EIPR1: variants seen among roughly 807,000 people sequenced by gnomAD.
EIPR1 encodes EARP complex and GARP complex interacting protein 1.
In EIPR1, 25 loss-of-function variants were observed where a neutral mutation model predicts 48.1. The observed-to-expected ratio is 0.52, with a 90% CI of 0.38 to 0.73. The LOEUF (loss-of-function observed/expected upper bound fraction) is 0.73, where lower values mean the gene tolerates loss of function less well. Among genes scored for constraint, EIPR1 ranks in the 30% least tolerant of loss-of-function variants. The pLI, the probability that EIPR1 is intolerant of heterozygous loss-of-function variation, is 0.00. For missense variants in EIPR1, 415 were observed against 506.2 expected, an observed-to-expected ratio of 0.82 and a Z score of 1.73; for synonymous variants, 204 against 201.9, an observed-to-expected ratio of 1.01 and a Z score of -0.09.
At chr2:3,377,234 A>T (rs1659914831) in intron 1 of EIPR1, 1 of 177,756 alleles carries the variant, frequency 5.6e-6, no homozygotes, top group Non-Finnish European at 1.2e-5. Context: ...GGTAAAGAAG[A>T]ACTTTCTATG....
intron 3 of EIPR1, among the ~76,000 whole-genome samples, chr2:3,325,895 G>C (rs553712203): frequency 1.3e-4 from 20 of 152,268 alleles, no homozygotes; most frequent in Non-Finnish European, 2.6e-4. Context: ...CCCACCCCTG[G>C]AGGTGCTGTG....
rs115183188 is a variant in EIPR1, at chr2:3,251,591, G to A, written c.416+5708C>T. The stretch of plus-strand genomic sequence containing the variant: ...GAGAGCCCGCCACCCTAGGTCTGCT[G>A]CCTTGAAGTCCACCATCTCTCCCAC... On this transcript the variant is annotated intron_variant, in intron 4 of 8. Transcript: ENST00000382125. 7.1e-3 allele frequency among the ~76,000 whole-genome samples: 1,087 copies of A among 152,232 alleles called. 13 individuals carry two copies. The highest frequency in any genetic ancestry group is 0.025 in the African/African-American group (1,051 of 41,520).
At chr2:3,235,416 G>A (rs1046466401) in intron 4 of EIPR1, among the ~76,000 whole-genome samples, 7 of 142,944 alleles carry the variant, frequency 4.9e-5, no homozygotes, top group African/African-American at 1.8e-4. Context: ...GTGTGCATGC[G>A]GGTGCGCACA....
intron 1 of EIPR1, among the ~76,000 whole-genome samples, chr2:3,369,106 G>A (rs1428335134): frequency 6.6e-6 from 1 of 152,150 alleles, no homozygotes; most frequent in Non-Finnish European, 1.5e-5. Context: ...GAAAGTCTTG[G>A]TCCATGATAC....
intron 3 of EIPR1, among the ~76,000 whole-genome samples, chr2:3,311,001 A>C (rs1009062139): frequency 6.6e-6 from 1 of 152,168 alleles, no homozygotes; most frequent in African/African-American, 2.4e-5. Flanking sequence ...GAGCAAACCA[A>C]TGTCTCTGAA....
At position 3,286,335 on chromosome 2, in the gene EIPR1, C is replaced by T. The variant is rs533953532; in HGVS notation, c.260-28880G>A. On this transcript the variant is annotated intron_variant, in intron 3 of 8. Coordinates refer to ENST00000382125, the MANE Select transcript of EIPR1 (RefSeq NM_003310.5). The surrounding 1 kb of genome is among the most constrained non-coding windows in gnomAD (Gnocchi z 4.2). ...TGTACACACACTGCTCCTGTGTAAA[C>T]GTGTGGCCGTGACATGGCCTCCGTT... Among the ~76,000 whole-genome samples, 36 of 152,326 alleles carry T rather than the reference C, an allele frequency of 2.4e-4. No individual in the cohort carries two copies. The highest frequency in any genetic ancestry group is 4.4e-4 in the Non-Finnish European group (30 of 68,016).
At chr2:3,375,881 A>G (rs1659859143) in intron 1 of EIPR1, among the ~76,000 whole-genome samples, 1 of 152,248 alleles carries the variant, frequency 6.6e-6, no homozygotes, top group Non-Finnish European at 1.5e-5. Context: ...TAGTTAAGCT[A>G]TCAGTCTTGT....
chr2:3,374,679 G>C (rs1659813961), intron 1 of EIPR1, among the ~76,000 whole-genome samples: 2 of 149,678 alleles, frequency 1.3e-5, no homozygotes, highest in African/African-American at 2.5e-5. Context: ...ACCACAATGA[G>C]ATACCATCTC....
chr2:3,289,937 G>A (rs888094314), intron 3 of EIPR1, among the ~76,000 whole-genome samples: 7 of 152,208 alleles, frequency 4.6e-5, no homozygotes, highest in African/African-American at 1.4e-4. Context: ...GGTGAGTGCC[G>A]CAGTTCCAGC....
At position 3,189,309 on chromosome 2, in the gene EIPR1, G is replaced by A; in HGVS notation, c.*25C>T. On this transcript the variant is annotated 3_prime_UTR_variant, in exon 9 of 9. Transcript: ENST00000382125. The surrounding 1 kb of genome is among the most constrained non-coding windows in gnomAD (Gnocchi z 4.6). ...TGCCAAGAGGAAAACCACTCAATGGGACCTGGATAACCCAGGCCCGGGAGT... is the reference window on the plus strand; with the variant it reads ...TGCCAAGAGGAAAACCACTCAATGGAACCTGGATAACCCAGGCCCGGGAGT... 6.5e-7 allele frequency: 1 copy of A among 1,546,620 alleles called. No individual in the cohort carries two copies. The highest frequency in any genetic ancestry group is 8.8e-7 in the Non-Finnish European group (1 of 1,136,764).
chr2:3,212,322 G>T (rs1435278282), intron 5 of EIPR1, among the ~76,000 whole-genome samples: 1 of 152,192 alleles, frequency 6.6e-6, no homozygotes, highest in Non-Finnish European at 1.5e-5. Context: ...GCATCCTAAC[G>T]TGTGGGGTCT....
In EIPR1 at chr2:3,245,306, G is replaced by T. The variant is rs139804498; in HGVS notation, c.416+11993C>A. On this transcript the variant is annotated intron_variant, in intron 4 of 8. Coordinates refer to ENST00000382125, the MANE Select transcript of EIPR1 (RefSeq NM_003310.5). ...GGGATCACTGCAACCTCCACCTCCT[G>T]AGTTCAAGTGATTCTCCTGCCTCAG... Among the ~76,000 whole-genome samples, 487 of 152,266 alleles carry T rather than the reference G, an allele frequency of 3.2e-3. 2 individuals are homozygous for T. The highest frequency in any genetic ancestry group is 0.011 in the African/African-American group (469 of 41,564).
chr2:3,223,084 T>A (rs1665949447), intron 4 of EIPR1, among the ~76,000 whole-genome samples: 1 of 152,158 alleles, frequency 6.6e-6, no homozygotes, highest in South Asian at 2.1e-4. Context: ...GGATTATTCT[T>A]CACAGGACCA....
chr2:3,280,376 C>T (rs1667979250), intron 3 of EIPR1, among the ~76,000 whole-genome samples: 1 of 152,192 alleles, frequency 6.6e-6, no homozygotes, highest in African/African-American at 2.4e-5. Context: ...TCCCATCCTC[C>T]AGGTGCCTCG....
chr2:3,267,720 C>G (rs1382972802), intron 3 of EIPR1, among the ~76,000 whole-genome samples: 1 of 152,244 alleles, frequency 6.6e-6, no homozygotes, highest in Non-Finnish European at 1.5e-5. Context: ...ACATGCTGTG[C>G]CCATCGGGCA....
chr2:3,196,865 G>A lies in EIPR1; in HGVS notation c.653+16C>T, dbSNP rs749866622. 4.0e-5 allele frequency: 64 copies of A among 1,612,224 alleles called. No individual in the cohort carries two copies. Among genetic ancestry groups the A allele is most frequent in the South Asian group, 1.4e-4 (13 of 90,774 alleles). On this transcript the variant is annotated intron_variant, in intron 6 of 8. Transcript: ENST00000382125. ...GAGGAAAGGAAGTGGGGCCTGCGCC[G>A]GGTGGGCTCACTGACCTCATGCTCC...
intron 3 of EIPR1, among the ~76,000 whole-genome samples, chr2:3,278,398 C>A (rs535339959): frequency 1.1e-4 from 17 of 152,314 alleles, no homozygotes; most frequent in South Asian, 2.1e-4. Context: ...GCCAGGGGAA[C>A]CTGCCTTTAA....
intron 3 of EIPR1, among the ~76,000 whole-genome samples, chr2:3,287,860 C>T (rs1419207313): frequency 3.3e-5 from 5 of 152,264 alleles, no homozygotes; most frequent in African/African-American, 7.2e-5. Flanking sequence ...CCAGAAAGCT[C>T]ATTCACCATG....
intron 3 of EIPR1, among the ~76,000 whole-genome samples, chr2:3,269,977 C>T (rs531393466): frequency 2.0e-4 from 31 of 152,324 alleles, no homozygotes; most frequent in African/African-American, 5.1e-4. Flanking sequence ...GCTGCAGCCA[C>T]GGTAGGTGCT....
Sources: gnomAD v4.1 joint callset for allele counts (sites outside exome capture counted in the v4.1 genomes callset) on GRCh38, gnomAD v4.1.1 for gene constraint, Gnocchi (gnomAD v3.1) non-coding constraint, MANE v1.5 for transcripts, NCBI Gene and HGNC (gene_info 2026-07-23, HGNC 2026-07-21) for gene names.